Variants in GLI1 observed in about 807,000 individuals in gnomAD.
GLI1 encodes transcription activator GLI1.
GLI1 carries 51 observed loss-of-function variants against 87.8 expected under a neutral mutation model. That is an observed-to-expected ratio of 0.58 (90% CI 0.46 to 0.73). The LOEUF (loss-of-function observed/expected upper bound fraction) is 0.73, where lower values mean the gene tolerates loss of function less well. Ranked by LOEUF, GLI1 falls within the 30% of genes least tolerant of loss-of-function variation. The pLI, the probability that GLI1 is intolerant of heterozygous loss-of-function variation, is 0.00. For synonymous variants in GLI1, 528 were observed against 558.2 expected, an observed-to-expected ratio of 0.95 and a Z score of 0.76; for missense variants, 1,292 against 1,437.2, an observed-to-expected ratio of 0.90 and a Z score of 1.63.
chr12:57,471,861 G>A lies in GLI1; in HGVS notation c.3121G>A (p.Asp1041Asn). 6.3e-7 allele frequency: 1 copy of A among 1,590,842 alleles called. No individual in the cohort carries two copies. Among genetic ancestry groups the A allele is most frequent in the Non-Finnish European group, 8.6e-7 (1 of 1,169,394 alleles). The change falls in exon 12 of 12, where the codon GAT (aspartate) becomes AAT (asparagine). Residue 1041 changes from aspartate (D) to asparagine (N), a missense_variant. By Grantham distance (23) the Asp-to-Asn change is conservative (BLOSUM62 1). Transcript: ENST00000228682. The surrounding 1 kb of genome is among the most constrained non-coding windows in gnomAD (Gnocchi z 4.9). The part of the protein sequence containing the change: ...GQVCNPLDSL[D>N]LDNTQLDFVA... ...GGTATGTAACCCCCTGGACTCTCTT[G>A]ATCTTGACAACACTCAGCTGGACTT...
At chr12:57,463,613 G>C in intron 1 of GLI1, 52 bp from the exon 2 acceptor site, 1 of 866,836 alleles carries the variant, frequency 1.2e-6, no homozygotes. Context: ...TGAGACTGCT[G>C]TCTGACAGTC....
rs2139856966 is a variant in GLI1 at position 57,466,398 on chromosome 12, C to T, written c.912+9C>T. On this transcript the variant is annotated intron_variant, in intron 8 of 11. Transcript: ENST00000228682. Reference sequence around the variant, plus strand: ...AGCCACACAAGTGCACGGTGAGGCACCAGTGTCCCAAGTCCAGGGTCTCTT... The same window carrying T: ...AGCCACACAAGTGCACGGTGAGGCATCAGTGTCCCAAGTCCAGGGTCTCTT... 1 of 1,605,912 alleles carries T rather than the reference C, an allele frequency of 6.2e-7. No homozygotes were observed. The highest frequency in any genetic ancestry group is 8.5e-7 in the Non-Finnish European group (1 of 1,174,650).
chr12:57,469,677 C>T lies in GLI1; in HGVS notation c.1555C>T (p.Leu519=). 1 of 1,613,722 alleles carries T rather than the reference C, an allele frequency of 6.2e-7. No homozygotes were observed. The highest frequency in any genetic ancestry group is 8.5e-7 in the Non-Finnish European group (1 of 1,180,022). Residue 519 remains leucine (L), a synonymous_variant, in exon 11 of 12, where the codon CTG becomes TTG. Transcript: ENST00000228682. The part of the protein sequence containing the change: ...LRPIGTRGLK[L]PSLSHTGTTV... ...GCCAATAGGGACCCGGGGTCTCAAA[C>T]TGCCCAGCTTGTCCCACACCGGTGA... is the stretch of plus-strand genomic sequence containing the variant.
chr12:57,463,295 G>A (rs1314342989), intron 1 of GLI1, among the ~76,000 whole-genome samples: 2 of 152,168 alleles, frequency 1.3e-5, no homozygotes, highest in Non-Finnish European at 2.9e-5. Flanking sequence ...TCGGCTCACT[G>A]AAACCTCCGC....
At chr12:57,464,545 C>G in intron 3 of GLI1, 128 bp from the exon 4 acceptor site, 1 of 612,682 alleles carries the variant, frequency 1.6e-6, no homozygotes, top group East Asian at 2.9e-5. Context: ...AAAAAAAAGT[C>G]ACAGATAGCA....
intron 2 of GLI1, 104 bp downstream of exon 2, chr12:57,463,895 C>A: frequency 9.2e-7 from 1 of 1,082,076 alleles, no homozygotes. Flanking sequence ...GGATTTGAGG[C>A]CCCATGTCAT....
Position 57,467,633 on chromosome 12 carries a change from G to T in GLI1, c.1077+136G>T, listed in dbSNP as rs887555585. On this transcript the variant is annotated intron_variant, in intron 9 of 11. Transcript: ENST00000228682. ...TCCCCACATAATTCGCCCAGAAAAG[G>T]CTTTTCTGAAACCCAGAATTTCCAC... 9.3e-6 allele frequency: 7 copies of T among 753,950 alleles called. No individual in the cohort carries two copies. The African/African-American group carries it at 1.1e-4, about 11-fold the overall frequency. The allele number at this position is 753,950 out of a possible 1,614,324, so 46.7% of individuals were successfully genotyped here.
rs1565604804 is a variant in GLI1 at position 57,472,186 on chromosome 12, CTA to C, written c.*127_*128del. ...AGGGATGGGAGGTATGGGCTGGGGG[CTA>C]TGTATAGTCTGTATACGTTTTGAGG... On this transcript the variant is annotated 3_prime_UTR_variant, in exon 12 of 12. Transcript: ENST00000228682. 1.5e-6 allele frequency: 1 copy of C among 655,486 alleles called. No individual in the cohort carries two copies. The highest frequency in any genetic ancestry group is 1.8e-5 in the African/African-American group (1 of 54,078). 40.6% of individuals were successfully genotyped at this position (655,486 alleles called of 1,614,324 possible).
intron 10 of GLI1, 129 bp from the exon 11 acceptor site, chr12:57,469,302 C>A: frequency 1.2e-6 from 1 of 861,286 alleles, no homozygotes; most frequent in Non-Finnish European, 1.8e-6. Context: ...CTCTTACCTG[C>A]TTAGCCCTTT....
rs1283519778 is a variant in GLI1 at position 57,471,444 on chromosome 12, G to A, written c.2704G>A (p.Val902Ile). ...QLKAQLVCNY[V>I]QSQQELLWEG... ...CAAGGCTCAGCTTGTGTGTAATTAT[G>A]TTCAATCTCAACAGGAGCTACTGTG... is the stretch of plus-strand genomic sequence containing the variant. Residue 902 changes from valine to isoleucine, a missense_variant, in exon 12 of 12, where the codon GTT becomes ATT. Val to Ile is a conservative substitution (Grantham distance 29). Around this residue, in one of 3 missense-constraint regions of GLI1, gnomAD observed 897 missense variants for 1,040.7 expected, o/e 0.86. Coordinates refer to ENST00000228682, the MANE Select transcript of GLI1 (RefSeq NM_005269.3). This position sits in a 1 kb window ranked among gnomAD's most constrained non-coding sequence, Gnocchi z 4.9. 2.5e-6 allele frequency: 4 copies of A among 1,613,678 alleles called. No homozygotes were observed. In the Admixed American group the frequency reaches 5.0e-5, roughly 20 times the overall value.
chr12:57,468,356 C>A, intron 10 of GLI1, 132 bp downstream of exon 10: 2 of 627,456 alleles, frequency 3.2e-6, no homozygotes, highest in South Asian at 4.0e-5. Context: ...TGTCTCTTGT[C>A]TTAGTGTTGC....
chr12:57,461,859 G>A (rs1000611988), intron 1 of GLI1, among the ~76,000 whole-genome samples: 13 of 152,212 alleles, frequency 8.5e-5, no homozygotes, highest in Admixed American at 2.6e-4. Flanking sequence ...GGGAGACACC[G>A]AAGATGGTTT....
Position 57,471,435 on chromosome 12 carries a change from T to A in GLI1, c.2695T>A (p.Cys899Ser), listed in dbSNP as rs1231469327. 3 of 1,613,596 alleles carry A rather than the reference T, an allele frequency of 1.9e-6. No individual in the cohort carries two copies. Among genetic ancestry groups the A allele is most frequent in the Non-Finnish European group, 1.7e-6 (2 of 1,179,806 alleles). The change falls in exon 12 of 12, where the codon TGT (cysteine) becomes AGT (serine). Residue 899 changes from cysteine (C) to serine (S), a missense_variant. This residue lies in a region of GLI1 where 897 missense variants were observed against 1,040.7 expected (regional missense o/e 0.86). Coordinates refer to ENST00000228682, the MANE Select transcript of GLI1 (RefSeq NM_005269.3). This position sits in a 1 kb window ranked among gnomAD's most constrained non-coding sequence, Gnocchi z 4.9. The stretch of plus-strand genomic sequence containing the variant: ...AGGGCAGCTCAAGGCTCAGCTTGTG[T>A]GTAATTATGTTCAATCTCAACAGGA... Reference protein sequence around the residue: ...STGQLKAQLVCNYVQSQQELL... With the variant: ...STGQLKAQLVSNYVQSQQELL...
chr12:57,467,470 G>A lies in GLI1; in HGVS notation c.1050G>A (p.Lys350=). Residue 350 remains lysine, a synonymous_variant, in exon 9 of 12, where the codon AAG becomes AAA. Coordinates refer to ENST00000228682, the MANE Select transcript of GLI1 (RefSeq NM_005269.3). ...TCAGCAATGCCAGTGACCGAGCCAA[G>A]CACCAGAATCGGACCCATTCCAATG... ...KAFSNASDRA[K]HQNRTHSNEK... is the part of the protein sequence containing the mutation. 3 of 1,609,338 alleles carry A rather than the reference G, an allele frequency of 1.9e-6. No individual in the cohort carries two copies. Among genetic ancestry groups the A allele is most frequent in the Non-Finnish European group, 2.6e-6 (3 of 1,176,024 alleles).
At chr12:57,465,507 T>C in intron 5 of GLI1, 100 bp from the exon 6 acceptor site, 1 of 971,820 alleles carries the variant, frequency 1.0e-6, no homozygotes, top group Non-Finnish European at 1.6e-6. Flanking sequence ...AGGTTCCAGC[T>C]GCTTGGGTGG....
intron 10 of GLI1, among the ~76,000 whole-genome samples, chr12:57,469,148 G>C (rs1204466669): frequency 2.0e-5 from 3 of 152,174 alleles, no homozygotes; most frequent in Admixed American, 1.3e-4. Flanking sequence ...GGGACTCACT[G>C]TTCCCATTTT....
rs775972834 is a variant in GLI1 at position 57,468,157 on chromosome 12, C to T, written c.1241C>T (p.Pro414Leu). 6.2e-7 allele frequency: 1 copy of T among 1,614,172 alleles called. No individual in the cohort carries two copies. The highest frequency in any genetic ancestry group is 8.5e-7 in the Non-Finnish European group (1 of 1,180,026). ...GCACCATCCATTTCTACAGTGGAGCCCAAGAGGGAGCGGGAAGGAGGTCCC... is the reference window on the plus strand; with the variant it reads ...GCACCATCCATTTCTACAGTGGAGCTCAAGAGGGAGCGGGAAGGAGGTCCC... Reference protein sequence around the residue: ...PRAPSISTVEPKREREGGPIR... With the variant: ...PRAPSISTVELKREREGGPIR... The change falls in exon 10 of 12, where the codon CCC becomes CTC. Residue 414 changes from proline to leucine, a missense_variant. Transcript: ENST00000228682.
At chr12:57,464,652 C>G in intron 3 of GLI1, 21 bp from the exon 4 acceptor site, 1 of 1,599,378 alleles carries the variant, frequency 6.3e-7, no homozygotes, top group Non-Finnish European at 8.6e-7. Context: ...CCATATCCGT[C>G]TCCGCTGTCT....
chr12:57,471,791 C>T lies in GLI1; in HGVS notation c.3051C>T (p.Gly1017=), dbSNP rs768859183. 9.0e-6 allele frequency: 14 copies of T among 1,562,782 alleles called. No individual in the cohort carries two copies. The highest frequency in any genetic ancestry group is 3.5e-6 in the Non-Finnish European group (4 of 1,153,982). Residue 1017 remains glycine (G), a synonymous_variant, in exon 12 of 12, where the codon GGC becomes GGT. Coordinates refer to ENST00000228682, the MANE Select transcript of GLI1 (RefSeq NM_005269.3). This position sits in a 1 kb window ranked among gnomAD's most constrained non-coding sequence, Gnocchi z 4.9. ...TNPSCGHPEV[G]RLGGGPALYP... is the part of the protein sequence containing the mutation. ...CCAGCTGTGGTCATCCTGAGGTGGG[C>T]AGGCTAGGAGGGGGTCCTGCCTTGT...
Sources: gnomAD v4.1 joint callset for allele counts (sites outside exome capture counted in the v4.1 genomes callset) on GRCh38, gnomAD v4.1.1 for gene constraint, gnomAD v4.1.1 regional missense constraint, Gnocchi (gnomAD v3.1) non-coding constraint, MANE v1.5 for transcripts, NCBI Gene and HGNC (gene_info 2026-07-23, HGNC 2026-07-21) for gene names.